Variants in ZNF831 observed in about 807,000 individuals in gnomAD.
The protein encoded by ZNF831 is zinc finger protein 831, also known as chromosome 20 open reading frame 174.
ZNF831 carries 59 observed loss-of-function variants against 95.8 expected under a neutral mutation model. That is an observed-to-expected ratio of 0.62 (90% confidence interval 0.50 to 0.77). The LOEUF (loss-of-function observed/expected upper bound fraction) is 0.77. Among genes scored for constraint, ZNF831 ranks in the 30% least tolerant of loss-of-function variants. ZNF831 has a pLI of 0.00. For missense variants in ZNF831, 2,205 were observed against 2,164.0 expected (o/e 1.02, Z -0.38); for synonymous variants, 961 against 925.5 (o/e 1.04, Z -0.70).
intron 1 of ZNF831, among the ~76,000 whole-genome samples, chr20:59,181,026 G>C (rs1201229325): frequency 6.6e-6 from 1 of 152,106 alleles, no homozygotes; most frequent in Non-Finnish European, 1.5e-5. Flanking sequence ...CCACAGCCTT[G>C]TCAGCATGTG....
chr20:59,173,376 G>T (rs1981891856), intron 1 of ZNF831, among the ~76,000 whole-genome samples: 1 of 152,134 alleles, frequency 6.6e-6, no homozygotes, highest in Non-Finnish European at 1.5e-5. Flanking sequence ...ATTCTTTGAG[G>T]GCTGTCATGG....
rs147214006 is a variant in ZNF831, at chr20:59,227,538, T to C, written c.4027+20482T>C. On this transcript the variant is annotated intron_variant, in intron 4 of 5. Coordinates refer to ENST00000371030, the MANE Select transcript of ZNF831 (RefSeq NM_178457.3). Reference sequence around the variant, plus strand: ...AAGTAGAAAAAGACCTAGTATCTAATTGGAGGATCCAGTCATACAGGGATA... The same window carrying C: ...AAGTAGAAAAAGACCTAGTATCTAACTGGAGGATCCAGTCATACAGGGATA... 1.3e-4 allele frequency among the ~76,000 whole-genome samples: 20 copies of C among 152,342 alleles called. No individual in the cohort carries two copies. The East Asian group carries it at 2.7e-3, about 21-fold the overall frequency.
intron 1 of ZNF831, among the ~76,000 whole-genome samples, chr20:59,186,132 C>T (rs1329806923): frequency 6.6e-6 from 1 of 152,174 alleles, no homozygotes; most frequent in Admixed American, 6.5e-5. Flanking sequence ...TCCTGGTGTC[C>T]CCCAGTGGGA....
In ZNF831 at chr20:59,257,162, A is replaced by G. The variant is rs1426479749; in HGVS notation, c.*2419A>G. The G allele has an allele frequency of 6.6e-6, 1 of 152,236 alleles. No homozygotes were observed. The highest frequency in any genetic ancestry group is 1.5e-5 in the Non-Finnish European group (1 of 68,052). 9.4% of individuals were successfully genotyped at this position (152,236 alleles called of 1,614,324 possible). A position where few individuals can be genotyped will look rare whatever the true frequency, so the allele number is the denominator to read the frequency against. ...CAGCTGTCACATCCCAACCTAGGTC[A>G]AATATGGCGGAATATTGATTTCGTC... On this transcript the variant is annotated 3_prime_UTR_variant, in exon 6 of 6. Transcript: ENST00000371030.
Position 59,240,597 on chromosome 20 carries a change from G to T in ZNF831, c.4028-12381G>T, listed in dbSNP as rs796506653. ...CGGGCGGATCACGAGGTCAGGAGAT[G>T]GAGACCATCCTGGCTAACACGGTGA... On this transcript the variant is annotated intron_variant, in intron 4 of 5. Transcript: ENST00000371030. 5.7e-3 allele frequency among the ~76,000 whole-genome samples: 857 copies of T among 151,474 alleles called. 25 individuals carry two copies. The East Asian group carries it at 0.064, about 11-fold the overall frequency.
rs373493467 is a variant in ZNF831 at position 59,191,881 on chromosome 20, C to G, written c.862C>G (p.Pro288Ala). The G allele has an allele frequency of 4.3e-6, 7 of 1,612,930 alleles. No individual in the cohort carries two copies. In the African/African-American group the frequency reaches 9.3e-5, roughly 22 times the overall value. ...TTGGGACTCTGCCCCCATGGCGTCA[C>G]CTGGGCTCCCAGCGGCCAGCACACA... ...APWDSAPMASPGLPAASTQPW... is the reference protein window; with the variant it reads ...APWDSAPMASAGLPAASTQPW... The change falls in exon 2 of 6, where the codon CCT (proline) becomes GCT (alanine). Residue 288 changes from proline to alanine, a missense_variant. Coordinates refer to ENST00000371030, the MANE Select transcript of ZNF831 (RefSeq NM_178457.3).
In ZNF831 at chr20:59,194,666, T is replaced by A. The variant is rs1252448813; in HGVS notation, c.3647T>A (p.Leu1216His). The change falls in exon 2 of 6, where the codon CTC becomes CAC. Residue 1216 changes from leucine to histidine, a missense_variant. By Grantham distance (99) the Leu-to-His change is moderately conservative. Transcript: ENST00000371030. ...YLAVHFPGSS[L>H]RDEGPNGPPG... ...GCGGTGCACTTTCCTGGTAGCAGCC[T>A]CCGAGATGAGGGTCCCAATGGCCCT... 1.9e-6 allele frequency: 3 copies of A among 1,613,058 alleles called. No individual in the cohort carries two copies. Among genetic ancestry groups the A allele is most frequent in the Non-Finnish European group, 2.5e-6 (3 of 1,179,706 alleles).
rs2146541456 is a variant in ZNF831 at position 59,191,012 on chromosome 20, G to A, written c.-8G>A. The A allele has an allele frequency of 2.0e-6, 3 of 1,474,264 alleles. No individual in the cohort carries two copies. The highest frequency in any genetic ancestry group is 2.7e-6 in the Non-Finnish European group (3 of 1,121,158). The allele number at this position is 1,474,264 out of a possible 1,614,324, so 91.3% of individuals were successfully genotyped here. On this transcript the variant is annotated 5_prime_UTR_variant, in exon 2 of 6. The change abolishes an upstream ATG in the 5' untranslated region. Coordinates refer to ENST00000371030, the MANE Select transcript of ZNF831 (RefSeq NM_178457.3). ...TTCCAGCATTGTGGGCCATCCAGATGATGCGGAATGGAGGTTCCAGAACCC... is the reference window on the plus strand; with the variant it reads ...TTCCAGCATTGTGGGCCATCCAGATAATGCGGAATGGAGGTTCCAGAACCC...
At chr20:59,237,609 T>C (rs1230602983) in intron 4 of ZNF831, among the ~76,000 whole-genome samples, 1 of 152,216 alleles carries the variant, frequency 6.6e-6, no homozygotes, top group East Asian at 1.9e-4. Flanking sequence ...GTTGGGATTA[T>C]GGGCGTGAGC....
rs61742492 is a variant in ZNF831 at position 59,193,754 on chromosome 20, C to A, written c.2735C>A (p.Ala912Asp). 3.1e-6 allele frequency: 5 copies of A among 1,608,640 alleles called. No homozygotes were observed. The highest frequency in any genetic ancestry group is 4.2e-6 in the Non-Finnish European group (5 of 1,177,344). Residue 912 changes from alanine (A) to aspartate (D), a missense_variant, in exon 2 of 6, where the codon GCC becomes GAC. Coordinates refer to ENST00000371030, the MANE Select transcript of ZNF831 (RefSeq NM_178457.3). ...ACCCCACTGCATCCTGCAGCCCCAGCCCCCGCAGAGCACCCCTCGCTGGCC... is the reference window on the plus strand; with the variant it reads ...ACCCCACTGCATCCTGCAGCCCCAGACCCCGCAGAGCACCCCTCGCTGGCC... ...KATPLHPAAP[A>D]PAEHPSLATP...
chr20:59,188,545 T>C (rs1353234624), intron 1 of ZNF831, among the ~76,000 whole-genome samples: 1 of 152,096 alleles, frequency 6.6e-6, no homozygotes, highest in African/African-American at 2.4e-5. Context: ...TAGTCCCAGC[T>C]ACTCAGGCGG....
chr20:59,244,824 C>A (rs1466625834), intron 4 of ZNF831, among the ~76,000 whole-genome samples: 1 of 152,052 alleles, frequency 6.6e-6, no homozygotes, highest in Non-Finnish European at 1.5e-5. Context: ...GCATACAATC[C>A]CCTAGTTTGG....
rs2146554864 is a variant in ZNF831 at position 59,191,842 on chromosome 20, G to T, written c.823G>T (p.Asp275Tyr). The change falls in exon 2 of 6, where the codon GAC (aspartate) becomes TAC (tyrosine). Residue 275 changes from aspartate to tyrosine, a missense_variant. Transcript: ENST00000371030. ...TCCCTGTCCAGGGTCCGCATTTGCC[G>T]ACAGAGAGGCTCCTTGGGACTCTGC... Reference protein sequence around the residue: ...AAPCPGSAFADREAPWDSAPM... With the variant: ...AAPCPGSAFAYREAPWDSAPM... 1 of 1,613,454 alleles carries T rather than the reference G, an allele frequency of 6.2e-7. No homozygotes were observed. The highest frequency in any genetic ancestry group is 8.5e-7 in the Non-Finnish European group (1 of 1,179,976).
intron 1 of ZNF831, among the ~76,000 whole-genome samples, chr20:59,189,524 T>C (rs992100691): frequency 6.6e-6 from 1 of 152,196 alleles, no homozygotes; most frequent in Non-Finnish European, 1.5e-5. Flanking sequence ...TATTTATATA[T>C]TTTTTGAGAC....
chr20:59,194,857 G>A (rs2146605694), intron 2 of ZNF831, 100 bp downstream of exon 2: 1 of 1,423,298 alleles, frequency 7.0e-7, no homozygotes, highest in Non-Finnish European at 9.2e-7. Context: ...GTCCCATGTA[G>A]CATCTGCTGT....
chr20:59,233,645 C>G (rs1375384337), intron 4 of ZNF831, among the ~76,000 whole-genome samples: 1 of 152,190 alleles, frequency 6.6e-6, no homozygotes, highest in Non-Finnish European at 1.5e-5. Flanking sequence ...TCCAAAATAC[C>G]TTGCATTCAA....
In ZNF831 at chr20:59,192,142, G is replaced by C. The variant is rs770198523; in HGVS notation, c.1123G>C (p.Gly375Arg). The C allele has an allele frequency of 1.9e-6, 3 of 1,565,072 alleles. No individual in the cohort carries two copies. Among genetic ancestry groups the C allele is most frequent in the Non-Finnish European group, 2.6e-6 (3 of 1,161,996 alleles). The change falls in exon 2 of 6, where the codon GGG becomes CGG. Residue 375 changes from glycine (G) to arginine (R), a missense_variant. Physicochemically the swap from Gly to Arg is moderately radical, Grantham distance 125 (BLOSUM62 -2). Transcript: ENST00000371030. This position sits in a 1 kb window ranked among gnomAD's most constrained non-coding sequence, Gnocchi z 5.2. ...SLSEHSAESE[G>R]EGGPGPGPGV... Reference sequence around the variant, plus strand: ...TTCGGAGCACAGCGCCGAGTCCGAGGGGGAGGGCGGCCCGGGCCCGGGGCC... The same window carrying C: ...TTCGGAGCACAGCGCCGAGTCCGAGCGGGAGGGCGGCCCGGGCCCGGGGCC...
chr20:59,168,784 A>G (rs1045928041), intron 1 of ZNF831, among the ~76,000 whole-genome samples: 3 of 152,120 alleles, frequency 2.0e-5, no homozygotes, highest in Non-Finnish European at 4.4e-5. Flanking sequence ...TTCCAACGAG[A>G]TTTTATTATG....
Position 59,254,383 on chromosome 20 carries a change from A to T in ZNF831, c.4674A>T (p.Pro1558=), listed in dbSNP as rs762402002. ...GACAAAGAATTTCAGATTCGGTTCC[A>T]CTGGAGTCAACTGAAAAAACTCATC... The part of the protein sequence containing the change: ...SSGQRISDSV[P]LESTEKTHLE... Residue 1558 remains proline (P), a synonymous_variant, in exon 6 of 6, where the codon CCA becomes CCT. Coordinates refer to ENST00000371030, the MANE Select transcript of ZNF831 (RefSeq NM_178457.3). The surrounding 1 kb of genome is among the most constrained non-coding windows in gnomAD (Gnocchi z 4.5). 1.9e-6 allele frequency: 3 copies of T among 1,614,158 alleles called. No homozygotes were observed. Among genetic ancestry groups the T allele is most frequent in the Admixed American group, 3.3e-5 (2 of 60,018 alleles).
Sources: allele counts gnomAD v4.1 joint callset (sites outside exome capture counted in the v4.1 genomes callset), GRCh38; gene constraint gnomAD v4.1.1; non-coding constraint Gnocchi (gnomAD v3.1); transcripts MANE v1.5; gene names NCBI Gene and HGNC (gene_info 2026-07-23, HGNC 2026-07-21).